The following PAPLN variants were observed in gnomAD, a reference collection of about 807,000 sequenced individuals.
PAPLN encodes papilin, proteoglycan like sulfated glycoprotein.
A neutral mutation model predicts 159.0 loss-of-function variants in PAPLN; 146 were observed. The ratio of observed to expected loss-of-function variants is 0.92; its 90% CI spans 0.80 to 1.05. The LOEUF (loss-of-function observed/expected upper bound fraction) is 1.05. Ranked by LOEUF, PAPLN falls within the 50% of genes least tolerant of loss-of-function variation. The pLI is 0.00. For synonymous variants in PAPLN, 734 were observed against 702.9 expected (o/e 1.04, Z -0.70); for missense variants, 1,720 against 1,743.9 (o/e 0.99, Z 0.24).
rs1885281276 is a variant in PAPLN at position 73,251,710 on chromosome 14, C to A, written c.717C>A (p.Thr239=). 1 of 1,613,386 alleles carries A rather than the reference C, an allele frequency of 6.2e-7. No homozygotes were observed. Among genetic ancestry groups the A allele is most frequent in the African/African-American group, 1.3e-5 (1 of 75,032 alleles). ...AATACTACCTCAATGGGCACTGGACCATCGAGGCGGCCCGGGCCCTGCCAG... is the reference window on the plus strand; with the variant it reads ...AATACTACCTCAATGGGCACTGGACAATCGAGGCGGCCCGGGCCCTGCCAG... ...RGEYYLNGHW[T]IEAARALPAA... The change falls in exon 9 of 27, where the codon ACC becomes ACA. Residue 239 remains threonine, a synonymous_variant. Transcript: ENST00000644200.
At chr14:73,266,942 TC>T in intron 25 of PAPLN, 111 bp downstream of exon 25, 1 of 1,073,284 alleles carries the variant, frequency 9.3e-7, no homozygotes, top group Non-Finnish European at 1.4e-6. Context: ...CATTCCGGCT[TC>T]CAGGCCTGGT....
At chr14:73,251,353 C>A in intron 7 of PAPLN, 133 bp from the exon 8 acceptor site, 2 of 1,034,654 alleles carry the variant, frequency 1.9e-6, no homozygotes, top group Non-Finnish European at 2.8e-6. Context: ...CCTTTCCCAG[C>A]AGCTCGGCCC....
rs149172350 is a variant in PAPLN at position 73,251,726 on chromosome 14, G to A, written c.733G>A (p.Ala245Thr). Residue 245 changes from alanine (A) to threonine (T), a missense_variant, in exon 9 of 27, where the codon GCC (alanine) becomes ACC (threonine). Physicochemically the swap from Ala to Thr is moderately conservative, Grantham distance 58. Coordinates refer to ENST00000644200, the MANE Select transcript of PAPLN (RefSeq NM_001365906.3). ...NGHWTIEAAR[A>T]LPAASTILHY... ...GCACTGGACCATCGAGGCGGCCCGG[G>A]CCCTGCCAGCAGCCAGCACCATCCT... 3.1e-6 allele frequency: 5 copies of A among 1,613,094 alleles called. No individual in the cohort carries two copies. The highest frequency in any genetic ancestry group is 2.2e-5 in the South Asian group (2 of 91,088).
intron 20 of PAPLN, chr14:73,263,989 C>T (rs764920746): frequency 7.0e-7 from 1 of 1,435,444 alleles, no homozygotes; most frequent in Admixed American, 2.1e-5. Flanking sequence ...TGTGTGACAG[C>T]CCCCCGACCT....
intron 20 of PAPLN, 172 bp downstream of exon 20, chr14:73,263,954 G>T (rs1566703925): frequency 7.1e-7 from 1 of 1,400,676 alleles, no homozygotes; most frequent in Non-Finnish European, 9.5e-7. Context: ...GTGTGTGACG[G>T]CCCCCCGACC....
In PAPLN at chr14:73,266,785, C is replaced by T; in HGVS notation, c.3454C>T (p.Leu1152=). The change falls in exon 25 of 27, where the codon CTA becomes TTA. Residue 1152 remains leucine, a synonymous_variant. Coordinates refer to ENST00000644200, the MANE Select transcript of PAPLN (RefSeq NM_001365906.3). ...VTVPEGDTAR[L]LCVVAGESVN... ...AGTGCCAGAGGGTGATACGGCCAGG[C>T]TATTGTGTGTGGTAGCAGGAGAAAG... 6.2e-7 allele frequency: 1 copy of T among 1,613,826 alleles called. No homozygotes were observed. Among genetic ancestry groups the T allele is most frequent in the Non-Finnish European group, 8.5e-7 (1 of 1,179,874 alleles).
chr14:73,268,802 C>G (rs1180804554), intron 26 of PAPLN, 79 bp downstream of exon 26: 1 of 1,437,124 alleles, frequency 7.0e-7, no homozygotes. Context: ...GCTCTGCAGT[C>G]TGAGGGACTC....
At chr14:73,262,241 C>A in intron 18 of PAPLN, 109 bp from the exon 19 acceptor site, 2 of 1,120,146 alleles carry the variant, frequency 1.8e-6, no homozygotes, top group Non-Finnish European at 2.6e-6. Flanking sequence ...TGTAGACATG[C>A]TTTATAAGTG....
In PAPLN at chr14:73,246,101, G is replaced by A. The variant is rs752302903; in HGVS notation, c.260G>A (p.Arg87Gln). 4.4e-6 allele frequency: 7 copies of A among 1,582,086 alleles called. No homozygotes were observed. Among genetic ancestry groups the A allele is most frequent in the East Asian group, 2.4e-5 (1 of 41,612 alleles). ...TGCCCCGACGGCGCCCGGGACTTCC[G>A]GGCCGAGCAGTGCGCGGAGTTCGAC... Reference protein sequence around the residue: ...ESCPDGARDFRAEQCAEFDGA... With the variant: ...ESCPDGARDFQAEQCAEFDGA... The change falls in exon 5 of 27, where the codon CGG (arginine) becomes CAG (glutamine). Residue 87 changes from arginine (R) to glutamine (Q), a missense_variant. Transcript: ENST00000644200.
chr14:73,253,356 C>T (rs1366214018), intron 11 of PAPLN: 1 of 868,628 alleles, frequency 1.2e-6, no homozygotes, highest in Non-Finnish European at 1.6e-6. Context: ...GCTCTTTCCT[C>T]TGGGTCCTTG....
intron 5 of PAPLN, 108 bp downstream of exon 5, chr14:73,246,283 A>G (rs1884311778): frequency 1.0e-6 from 1 of 959,070 alleles, no homozygotes; most frequent in Non-Finnish European, 1.5e-6. Flanking sequence ...TATATATTAG[A>G]GACAGTCTCA....
chr14:73,236,610 A>G (rs1883043710), upstream of PAPLN, among the ~76,000 whole-genome samples: 1 of 152,172 alleles, frequency 6.6e-6, no homozygotes, highest in Non-Finnish European at 1.5e-5. Context: ...TGAAGTCAGG[A>G]GTTGGAGACC....
At chr14:73,264,168 T>C (rs998343351) in intron 20 of PAPLN, 43 bp from the exon 21 acceptor site, 3 of 1,610,580 alleles carry the variant, frequency 1.9e-6, no homozygotes, top group African/African-American at 1.3e-5. Flanking sequence ...ACTGTTGCCC[T>C]TGGGAGCCCA....
chr14:73,260,942 A>T, intron 17 of PAPLN, 113 bp downstream of exon 17: 1 of 1,434,800 alleles, frequency 7.0e-7, no homozygotes, highest in Non-Finnish European at 9.2e-7. Context: ...GGTCCCTGCA[A>T]ATCTGCTGGC....
intron 14 of PAPLN, among the ~76,000 whole-genome samples, chr14:73,256,858 T>A (rs1270257175): frequency 6.6e-6 from 1 of 152,018 alleles, no homozygotes; most frequent in East Asian, 1.9e-4. Flanking sequence ...AACTCCAGCC[T>A]GGGTGACAGA....
rs747506742 is a variant in PAPLN, at chr14:73,262,405, T to C, written c.2301T>C (p.Ala767=). 6.2e-7 allele frequency: 1 copy of C among 1,614,058 alleles called. No homozygotes were observed. The highest frequency in any genetic ancestry group is 1.7e-5 in the Admixed American group (1 of 60,022). Residue 767 remains alanine (A), a synonymous_variant, in exon 19 of 27, where the codon GCT becomes GCC. Transcript: ENST00000644200. ...PSAHGSCADW[A]ARWYFVASVG... ...CCCATGGCTCTTGCGCAGACTGGGC[T>C]GCCCGCTGGTACTTCGTTGCCTCTG...
Position 73,274,164 on chromosome 14 carries a change from G to C in PAPLN, c.*1500G>C, listed in dbSNP as rs1887964376. 6.6e-6 allele frequency: 1 copy of C among 152,238 alleles called. No homozygotes were observed. The highest frequency in any genetic ancestry group is 2.1e-4 in the South Asian group (1 of 4,828). The allele number at this position is 152,238 out of a possible 1,614,324, so 9.4% of individuals were successfully genotyped here. On this transcript the variant is annotated 3_prime_UTR_variant, in exon 27 of 27. Coordinates refer to ENST00000644200, the MANE Select transcript of PAPLN (RefSeq NM_001365906.3). ...TTAGCAGGATGAGGATAGCAATGGG[G>C]AAGGGTTGTGGGCAATGCAGTAACA... is the stretch of plus-strand genomic sequence containing the variant.
At chr14:73,262,240 G>A in intron 18 of PAPLN, 110 bp from the exon 19 acceptor site, 6 of 1,110,506 alleles carry the variant, frequency 5.4e-6, no homozygotes, top group Non-Finnish European at 6.5e-6. Flanking sequence ...GTGTAGACAT[G>A]CTTTATAAGT....
At chr14:73,268,496 C>A in intron 25 of PAPLN, 61 bp from the exon 26 acceptor site, 1 of 1,530,834 alleles carries the variant, frequency 6.5e-7, no homozygotes, top group South Asian at 1.2e-5. Context: ...TTACCTCTTC[C>A]CTCTGTCTCC....
Sources: allele counts gnomAD v4.1 joint callset (sites outside exome capture counted in the v4.1 genomes callset), GRCh38; gene constraint gnomAD v4.1.1; transcripts MANE v1.5; gene names NCBI Gene and HGNC (gene_info 2026-07-23, HGNC 2026-07-21).